The following ZNF577 variants were observed in gnomAD, a reference collection of about 807,000 sequenced individuals.
ZNF577 encodes the protein zinc finger protein 577.
In ZNF577, 14 loss-of-function variants were observed where a neutral mutation model predicts 13.9. The observed-to-expected ratio is 1.00, with a 90% CI of 0.66 to 1.57. ZNF577 has a LOEUF of 1.57. Ranked by LOEUF, ZNF577 falls within the 40% of genes most tolerant of loss-of-function variation. The pLI, the probability that ZNF577 is intolerant of heterozygous loss-of-function variation, is 0.00. For synonymous variants in ZNF577, 203 were observed against 202.9 expected (o/e 1.00, Z 0.00); for missense variants, 555 against 579.2 (o/e 0.96, Z 0.43).
intron 9 of ZNF577, among the ~76,000 whole-genome samples, chr19:51,813,853 A>C (rs2084115565): frequency 6.6e-6 from 1 of 152,076 alleles, no homozygotes; most frequent in African/African-American, 2.4e-5. Flanking sequence ...CTCCTTTATA[A>C]AATGAGACAG....
intron 3 of ZNF577, 80 bp downstream of exon 3, chr19:51,880,243 G>T: frequency 7.1e-7 from 1 of 1,416,970 alleles, no homozygotes; most frequent in South Asian, 1.2e-5. Context: ...TTACAAGGCT[G>T]ACTTTGAGGA....
intron 9 of ZNF577, among the ~76,000 whole-genome samples, chr19:51,814,691 G>A (rs908109685): frequency 7.9e-5 from 12 of 151,906 alleles, no homozygotes; most frequent in Admixed American, 7.9e-4. Context: ...ATGGGTTTTC[G>A]CCATGTTGGC....
intron 9 of ZNF577, among the ~76,000 whole-genome samples, chr19:51,812,345 T>C (rs1421306719): frequency 6.6e-6 from 1 of 152,240 alleles, no homozygotes; most frequent in African/African-American, 2.4e-5. Context: ...AAAGTGCTTC[T>C]TGTTCCCATA....
chr19:51,864,235 T>A (rs556430580), downstream of ZNF577, among the ~76,000 whole-genome samples: 8 of 152,206 alleles, frequency 5.3e-5, no homozygotes, highest in African/African-American at 1.9e-4. Flanking sequence ...ATCCTCCAAC[T>A]AAGATTTACC....
At chr19:51,852,270 T>A (rs1349272547) in intron 5 of ZNF577, among the ~76,000 whole-genome samples, 1 of 152,206 alleles carries the variant, frequency 6.6e-6, no homozygotes, top group Non-Finnish European at 1.5e-5. Context: ...GCCATTCTTT[T>A]GGGCTAATGG....
intron 9 of ZNF577, among the ~76,000 whole-genome samples, chr19:51,835,049 C>A (rs1338424151): frequency 6.6e-6 from 1 of 151,458 alleles, no homozygotes; most frequent in Non-Finnish European, 1.5e-5. Flanking sequence ...CAAATTAAAT[C>A]TAAAGAAAAT....
chr19:51,884,494 AGT>A (rs1399493408), intron 1 of ZNF577, among the ~76,000 whole-genome samples: 3 of 152,168 alleles, frequency 2.0e-5, no homozygotes, highest in African/African-American at 7.2e-5. Flanking sequence ...CATGAAAAAA[AGT>A]TAGAGTCATC....
chr19:51,873,981 A>G (rs997305567), intron 5 of ZNF577, among the ~76,000 whole-genome samples: 9 of 152,192 alleles, frequency 5.9e-5, no homozygotes, highest in Non-Finnish European at 7.3e-5. Context: ...GCTGGCTTTT[A>G]TAAGATCTCA....
At chr19:51,858,034 T>C (rs1045331681) in intron 5 of ZNF577, among the ~76,000 whole-genome samples, 1 of 152,020 alleles carries the variant, frequency 6.6e-6, no homozygotes, top group Non-Finnish European at 1.5e-5. Context: ...TTGAATTCCC[T>C]TACTCTCACC....
At chr19:51,860,836 G>C in intron 5 of ZNF577, 2 of 346,254 alleles carry the variant, frequency 5.8e-6, no homozygotes, top group Middle Eastern at 9.1e-4. Context: ...CACATTCACT[G>C]TATCTATGAG....
At chr19:51,833,427 G>C (rs565192130) in intron 9 of ZNF577, among the ~76,000 whole-genome samples, 2 of 127,176 alleles carry the variant, frequency 1.6e-5, no homozygotes, top group East Asian at 4.8e-4. Flanking sequence ...ATCACCGCTG[G>C]AAGTAGTTAT....
chr19:51,835,934 C>T (rs1390962785), intron 9 of ZNF577, among the ~76,000 whole-genome samples: 1 of 152,206 alleles, frequency 6.6e-6, no homozygotes, highest in African/African-American at 2.4e-5. Flanking sequence ...CTCAGGTGAT[C>T]CACCTGCCTT....
chr19:51,873,298 A>C lies in ZNF577; in HGVS notation c.692T>G (p.Val231Gly), dbSNP rs200593119. The change falls in exon 6 of 6, where the codon GTC becomes GGC. Residue 231 changes from valine (V) to glycine (G), a missense_variant. Transcript: ENST00000638348. ...CTCTCCTGTATGGGTTCTCTGATGG[A>C]CCATGAGCTGTGACTTTCTGGAGAA... ...KAFSRKSQLM[V>G]HQRTHTGEKP... 2.5e-6 allele frequency: 4 copies of C among 1,613,948 alleles called. No individual in the cohort carries two copies. The Admixed American group carries it at 6.7e-5, about 27-fold the overall frequency.
intron 8 of ZNF577, among the ~76,000 whole-genome samples, chr19:51,842,402 T>C (rs1401124402): frequency 2.0e-5 from 3 of 152,088 alleles, no homozygotes; most frequent in African/African-American, 4.8e-5. Flanking sequence ...TAAAAAGGCC[T>C]TGTGGGAGTG....
chr19:51,814,960 C>T (rs1004541296), intron 9 of ZNF577, among the ~76,000 whole-genome samples: 2 of 151,952 alleles, frequency 1.3e-5, no homozygotes, highest in Admixed American at 1.3e-4. Context: ...CAGCCGCCTG[C>T]CACCACGTCT....
intron 5 of ZNF577, chr19:51,856,059 A>T (rs2122578722): frequency 6.6e-6 from 1 of 152,316 alleles, no homozygotes; most frequent in South Asian, 2.1e-4. Context: ...TGAAAAGAAA[A>T]TGCTGTTCAA....
chr19:51,852,457 C>T (rs1264294660), intron 5 of ZNF577, among the ~76,000 whole-genome samples: 1 of 152,210 alleles, frequency 6.6e-6, no homozygotes, highest in African/African-American at 2.4e-5. Flanking sequence ...AACCAATCAC[C>T]AGGTCAAACC....
At position 51,873,308 on chromosome 19, in the gene ZNF577, G is replaced by C. The variant is rs1022598141; in HGVS notation, c.682C>G (p.Gln228Glu). 1.2e-6 allele frequency: 2 copies of C among 1,614,048 alleles called. No homozygotes were observed. Among genetic ancestry groups the C allele is most frequent in the South Asian group, 1.1e-5 (1 of 91,088 alleles). ...ECGKAFSRKSQLMVHQRTHTG... is the reference protein window; with the variant it reads ...ECGKAFSRKSELMVHQRTHTG... ...TGGGTTCTCTGATGGACCATGAGCT[G>C]TGACTTTCTGGAGAAGGCTTTTCCA... Residue 228 changes from glutamine (Q) to glutamate (E), a missense_variant, in exon 6 of 6, where the codon CAG becomes GAG. By Grantham distance (29) the Gln-to-Glu change is conservative. Coordinates refer to ENST00000638348, the MANE Select transcript of ZNF577 (RefSeq NM_001370449.1).
At chr19:51,808,871 C>G (rs1467276444) in intron 10 of ZNF577, among the ~76,000 whole-genome samples, 1 of 152,192 alleles carries the variant, frequency 6.6e-6, no homozygotes, top group Non-Finnish European at 1.5e-5. Flanking sequence ...TGTTCTTTTA[C>G]TAGCTGCTGA....
Sources: gnomAD v4.1 joint callset for allele counts (sites outside exome capture counted in the v4.1 genomes callset) on GRCh38, gnomAD v4.1.1 for gene constraint, MANE v1.5 for transcripts, NCBI Gene and HGNC (gene_info 2026-07-23, HGNC 2026-07-21) for gene names.